The following KLHL18 variants were observed in gnomAD, a reference collection of about 807,000 sequenced individuals.
KLHL18 encodes kelch like family member 18.
Under a neutral mutation model 58.5 loss-of-function variants are expected in KLHL18, and 38 were observed. The ratio of observed to expected loss-of-function variants is 0.65; its 90% CI spans 0.50 to 0.85. The LOEUF is 0.85. Among genes scored for constraint, KLHL18 ranks in the 40% least tolerant of loss-of-function variants. The probability of loss-of-function intolerance (pLI) is 0.00; values close to 1 mark genes in which losing one functional copy is unlikely to be tolerated. For synonymous variants in KLHL18, 303 were observed against 301.9 expected (o/e 1.00, Z -0.04); for missense variants, 624 against 778.4 (o/e 0.80, Z 2.36).
intron 3 of KLHL18, among the ~76,000 whole-genome samples, chr3:47,329,474 G>T (rs1703804251): frequency 6.6e-6 from 1 of 152,194 alleles, no homozygotes; most frequent in Non-Finnish European, 1.5e-5. Context: ...TGATCTGCCT[G>T]CCTCAGCCTC....
At chr3:47,288,412 T>C (rs368621764) in intron 1 of KLHL18, among the ~76,000 whole-genome samples, 1 of 152,128 alleles carries the variant, frequency 6.6e-6, no homozygotes, top group African/African-American at 2.4e-5. Flanking sequence ...GCTCTCCTGT[T>C]GCATCTTCTG....
At position 47,344,560 on chromosome 3, in the gene KLHL18, G is replaced by A. The variant is rs1259632024; in HGVS notation, c.*619G>A. ...CCATGTCTAATTTTGGGATTTCAGT[G>A]AGGCCTTTTGATCTGTCCAGGAGAA... On this transcript the variant is annotated 3_prime_UTR_variant, in exon 10 of 10. Coordinates refer to ENST00000232766, the MANE Select transcript of KLHL18 (RefSeq NM_025010.5). The A allele has an allele frequency of 1.1e-3, 1 of 916 alleles. No individual in the cohort carries two copies. Among genetic ancestry groups the A allele is most frequent in the Admixed American group, 0.05 (1 of 20 alleles). 0.1% of individuals were successfully genotyped at this position (916 alleles called of 1,614,324 possible).
At position 47,321,166 on chromosome 3, in the gene KLHL18, T is replaced by G. The variant is rs529434506; in HGVS notation, c.260+1383T>G. 3.4e-3 allele frequency among the ~76,000 whole-genome samples: 514 copies of G among 151,866 alleles called. 1 individual carries two copies. The highest frequency in any genetic ancestry group is 5.1e-3 in the Non-Finnish European group (347 of 67,932). On this transcript the variant is annotated intron_variant, in intron 2 of 9. Coordinates refer to ENST00000232766, the MANE Select transcript of KLHL18 (RefSeq NM_025010.5). ...CTTCTCATTCTGCCAACCTTTTTTT[T>G]GGGGGGAGTGGAGGGGGAGGCAATG...
chr3:47,329,832 A>G (rs1410848502), intron 3 of KLHL18, 119 bp from the exon 4 acceptor site: 5 of 786,892 alleles, frequency 6.4e-6, no homozygotes, highest in East Asian at 2.5e-5. Context: ...ACAGTTTCCA[A>G]CAAAGCTGAG....
At position 47,289,012 on chromosome 3, in the gene KLHL18, A is replaced by C. The variant is rs76552976; in HGVS notation, c.129+5918A>C. 6.0e-4 allele frequency among the ~76,000 whole-genome samples: 92 copies of C among 152,310 alleles called. 4 individuals are homozygous for C. The East Asian group carries it at 0.016, about 26-fold the overall frequency. Reference sequence around the variant, plus strand: ...CTAGGTTTAATGAGTTTTTCTTCTTATTCATGAGATTTGGAGCCAGATTTT... The same window carrying C: ...CTAGGTTTAATGAGTTTTTCTTCTTCTTCATGAGATTTGGAGCCAGATTTT... On this transcript the variant is annotated intron_variant, in intron 1 of 9. Transcript: ENST00000232766.
At chr3:47,331,981 G>A (rs572001614) in intron 4 of KLHL18, among the ~76,000 whole-genome samples, 38 of 152,260 alleles carry the variant, frequency 2.5e-4, no homozygotes, top group African/African-American at 8.9e-4. Context: ...ACGGGGGACA[G>A]GTAGATTCTT....
intron 3 of KLHL18, among the ~76,000 whole-genome samples, chr3:47,327,546 G>A (rs1423463499): frequency 1.3e-5 from 2 of 152,238 alleles, no homozygotes; most frequent in African/African-American, 2.4e-5. Flanking sequence ...GCTTTAACAA[G>A]TCTCATTCAA....
At chr3:47,336,811 G>A (rs768380751) in intron 7 of KLHL18, 54 bp downstream of exon 7, 20 of 1,416,496 alleles carry the variant, frequency 1.4e-5, no homozygotes, top group Middle Eastern at 1.8e-4. Flanking sequence ...CCTGGGGAGC[G>A]CCATGCTAGA....
At chr3:47,288,220 CAAAAA>C (rs768468646) in intron 1 of KLHL18, among the ~76,000 whole-genome samples, 6 of 44,630 alleles carry the variant, frequency 1.3e-4, no homozygotes, top group African/African-American at 4.8e-4. Flanking sequence ...ACTCTGTCTC[CAAAAA>C]AAAAAAAAAA....
chr3:47,290,413 AT>A (rs1702766764), intron 1 of KLHL18, among the ~76,000 whole-genome samples: 1 of 150,522 alleles, frequency 6.6e-6, no homozygotes, highest in South Asian at 2.1e-4. Flanking sequence ...TTCTACTGAC[AT>A]TTTTCATGTA....
rs973716304 is a variant in KLHL18 at position 47,342,909 on chromosome 3, A to G, written c.1338+79A>G. 2.7e-6 allele frequency: 3 copies of G among 1,118,064 alleles called. No homozygotes were observed. The Admixed American group carries it at 5.6e-5, about 21-fold the overall frequency. The allele number at this position is 1,118,064 out of a possible 1,614,324, so 69.3% of individuals were successfully genotyped here. On this transcript the variant is annotated intron_variant, in intron 9 of 9. Coordinates refer to ENST00000232766, the MANE Select transcript of KLHL18 (RefSeq NM_025010.5). ...ATTTTAGAAGATCATTATTTGAAAA[A>G]ACTTCAGCCTTGCCACAGCTGAATA... is the stretch of plus-strand genomic sequence containing the variant.
intron 3 of KLHL18, among the ~76,000 whole-genome samples, chr3:47,326,533 C>T (rs914205437): frequency 2.6e-5 from 4 of 152,044 alleles, no homozygotes; most frequent in South Asian, 2.1e-4. Flanking sequence ...CCTGTGTGGC[C>T]GCTCTCCTTC....
intron 1 of KLHL18, 139 bp from the exon 2 acceptor site, chr3:47,319,514 T>TG: frequency 1.3e-6 from 1 of 794,654 alleles, no homozygotes; most frequent in Non-Finnish European, 2.0e-6. Context: ...CTCCATGCCC[T>TG]GGGATGCCTT....
rs1702507503 is a variant in KLHL18, at chr3:47,283,108, G to C, written c.129+14G>C. 2 of 1,563,682 alleles carry C rather than the reference G, an allele frequency of 1.3e-6. No individual in the cohort carries two copies. Reference sequence around the variant, plus strand: ...GTGACCCTCAAGGTACCGCGGACTGGGCGGCAGCGGGCTGAGGGAAAAGGG... The same window carrying C: ...GTGACCCTCAAGGTACCGCGGACTGCGCGGCAGCGGGCTGAGGGAAAAGGG... On this transcript the variant is annotated intron_variant, in intron 1 of 9. Transcript: ENST00000232766.
rs777848459 is a variant in KLHL18, at chr3:47,322,564, C to G, written c.261-4C>G. 2 of 1,593,476 alleles carry G rather than the reference C, an allele frequency of 1.3e-6. No individual in the cohort carries two copies. Among genetic ancestry groups the G allele is most frequent in the Non-Finnish European group, 1.7e-6 (2 of 1,170,740 alleles). ...CACCTCACAGCTTTCCCTCTTTCCT[C>G]TAGTGCCCTGGAGGCTCTGATCAAC... is the stretch of plus-strand genomic sequence containing the variant. On this transcript the variant is annotated splice_region_variant and splice_polypyrimidine_tract_variant and intron_variant, in intron 2 of 9. Transcript: ENST00000232766.
intron 1 of KLHL18, among the ~76,000 whole-genome samples, chr3:47,293,989 T>C (rs1368380056): frequency 2.0e-5 from 3 of 152,238 alleles, no homozygotes; most frequent in Non-Finnish European, 2.9e-5. Context: ...ACTGAATTAT[T>C]TACTGAGGTA....
chr3:47,312,320 A>T (rs759877361), intron 1 of KLHL18, among the ~76,000 whole-genome samples: 1 of 152,178 alleles, frequency 6.6e-6, no homozygotes, highest in African/African-American at 2.4e-5. Flanking sequence ...ACCTAACTCT[A>T]ATACTTTAAA....
chr3:47,321,341 G>C (rs904337594), intron 2 of KLHL18, among the ~76,000 whole-genome samples: 1 of 142,452 alleles, frequency 7.0e-6, no homozygotes, highest in Non-Finnish European at 1.5e-5. Flanking sequence ...TTTTTGTTTT[G>C]TTTTGTTTTG....
intron 1 of KLHL18, among the ~76,000 whole-genome samples, chr3:47,317,829 G>A (rs1317285058): frequency 6.6e-6 from 1 of 152,156 alleles, no homozygotes; most frequent in African/African-American, 2.4e-5. Context: ...ATAGGAATTA[G>A]ATTAGTAATA....
Sources: allele counts gnomAD v4.1 joint callset (sites outside exome capture counted in the v4.1 genomes callset), GRCh38; gene constraint gnomAD v4.1.1; transcripts MANE v1.5; gene names NCBI Gene and HGNC (gene_info 2026-07-23, HGNC 2026-07-21).